The following FIRRM variants were observed in gnomAD, a reference collection of about 807,000 sequenced individuals.
FIRRM encodes the protein FIGNL1-interacting regulator of recombination and mitosis.
chr1:169,791,874 C>G, the FIRRM span, among the ~76,000 whole-genome samples: 3 of 152,172 alleles, frequency 2.0e-5, no homozygotes, highest in Non-Finnish European at 4.4e-5. Context: ...TTTGAATCAA[C>G]AAAACACTTT....
chr1:169,809,805 A>T, the FIRRM span, among the ~76,000 whole-genome samples: 4 of 152,158 alleles, frequency 2.6e-5, no homozygotes, highest in African/African-American at 9.7e-5. Flanking sequence ...CTGATCAGCG[A>T]CGCCCTCTGC....
chr1:169,793,575 C>G, the FIRRM span: 7 of 1,614,078 alleles, frequency 4.3e-6, no homozygotes, highest in Admixed American at 8.3e-5. Context: ...CTCTCTTCTC[C>G]TTTTTGACTT....
At chr1:169,789,017 C>CTA in the FIRRM span, among the ~76,000 whole-genome samples, 1 of 152,178 alleles carries the variant, frequency 6.6e-6, no homozygotes, top group African/African-American at 2.4e-5. Flanking sequence ...ACCATCTGGG[C>CTA]TATATAGAAG....
the FIRRM span, chr1:169,802,560 T>C: frequency 1.7e-6 from 2 of 1,160,034 alleles, no homozygotes; most frequent in African/African-American, 1.5e-5. Flanking sequence ...CTGTAAAGTT[T>C]TGTCTTGTCT....
chr1:169,800,438 G>T, the FIRRM span, among the ~76,000 whole-genome samples: 1 of 152,130 alleles, frequency 6.6e-6, no homozygotes, highest in African/African-American at 2.4e-5. Context: ...AAACAGAAAA[G>T]ATTACAAAAC....
At chr1:169,799,264 T>A in the FIRRM span, among the ~76,000 whole-genome samples, 1 of 152,260 alleles carries the variant, frequency 6.6e-6, no homozygotes, top group African/African-American at 2.4e-5. Context: ...ATATGCAGTC[T>A]ACTGAATAGC....
At chr1:169,803,855 C>A in the FIRRM span, among the ~76,000 whole-genome samples, 4 of 152,228 alleles carry the variant, frequency 2.6e-5, no homozygotes, top group East Asian at 7.7e-4. Flanking sequence ...CCTAATGTTA[C>A]CCTTTTTTAG....
chr1:169,820,138 G>A, the FIRRM span, among the ~76,000 whole-genome samples: 1 of 152,206 alleles, frequency 6.6e-6, no homozygotes, highest in Non-Finnish European at 1.5e-5. Context: ...TGTGGTCTCT[G>A]GGCAAGATGA....
At chr1:169,816,578 G>T in the FIRRM span, among the ~76,000 whole-genome samples, 2 of 152,052 alleles carry the variant, frequency 1.3e-5, no homozygotes, top group Non-Finnish European at 2.9e-5. Flanking sequence ...TTTAAAATTG[G>T]CTTTGATGGA....
the FIRRM span, chr1:169,853,648 T>C: frequency 1.3e-6 from 2 of 1,561,448 alleles, no homozygotes; most frequent in Non-Finnish European, 8.8e-7. Context: ...AAGCCTGCTT[T>C]TGAGGTATTG....
the FIRRM span, among the ~76,000 whole-genome samples, chr1:169,816,440 A>G: frequency 6.6e-6 from 1 of 151,834 alleles, no homozygotes; most frequent in Admixed American, 6.6e-5. Context: ...TTGAAACATA[A>G]TTTTTTTCTC....
chr1:169,812,667 G>A, the FIRRM span, among the ~76,000 whole-genome samples: 1 of 152,064 alleles, frequency 6.6e-6, no homozygotes, highest in Non-Finnish European at 1.5e-5. Flanking sequence ...GACCAGGCTG[G>A]CCAACATGGT....
chr1:169,792,947 T>C, the FIRRM span: 1 of 1,614,084 alleles, frequency 6.2e-7, no homozygotes, highest in South Asian at 1.1e-5. Flanking sequence ...CCTGCATCTT[T>C]TCACATCTGG....
chr1:169,847,312 C>CT, the FIRRM span, among the ~76,000 whole-genome samples: 1 of 48,274 alleles, frequency 2.1e-5, no homozygotes, highest in Non-Finnish European at 3.4e-5. Context: ...CCTTATATTT[C>CT]TAAAAAAAAA....
At chr1:169,796,351 C>T in the FIRRM span, among the ~76,000 whole-genome samples, 1 of 152,232 alleles carries the variant, frequency 6.6e-6, no homozygotes, top group Non-Finnish European at 1.5e-5. Context: ...CCTCTTCTTC[C>T]CCACAAGCTT....
chr1:169,811,720 A>T, the FIRRM span, among the ~76,000 whole-genome samples: 2 of 150,214 alleles, frequency 1.3e-5, no homozygotes, highest in Admixed American at 1.3e-4. Context: ...TAATAGACAG[A>T]TTATCTAAAT....
chr1:169,802,797 G>A, the FIRRM span: 92 of 820,774 alleles, frequency 1.1e-4, no homozygotes, highest in African/African-American at 1.3e-3. Context: ...TACTGATACT[G>A]ATTAGCTATG....
At chr1:169,842,300 C>A in the FIRRM span, 1 of 946,460 alleles carries the variant, frequency 1.1e-6, no homozygotes, top group Non-Finnish European at 1.5e-6. Flanking sequence ...AAATATTATT[C>A]TACATGGACT....
At chr1:169,847,627 T>G in the FIRRM span, 19 of 1,189,134 alleles carry the variant, frequency 1.6e-5, no homozygotes, top group Non-Finnish European at 2.3e-5. Flanking sequence ...TCTTAGGCAG[T>G]TATTGTGTCT....
Sources: allele counts gnomAD v4.1 joint callset (sites outside exome capture counted in the v4.1 genomes callset), GRCh38; gene constraint gnomAD v4.1.1; transcripts MANE v1.5; gene names NCBI Gene and HGNC (gene_info 2026-07-23, HGNC 2026-07-21).